ATP6V1C2: variants seen among roughly 807,000 people sequenced by gnomAD.
ATP6V1C2 encodes V-type proton ATPase subunit C 2.
A neutral mutation model predicts 56.8 loss-of-function variants in ATP6V1C2; 45 were observed. The ratio of observed to expected loss-of-function variants is 0.79; its 90% confidence interval spans 0.62 to 1.02. The LOEUF (loss-of-function observed/expected upper bound fraction) is 1.02. Among genes scored for constraint, ATP6V1C2 ranks in the 50% least tolerant of loss-of-function variants. ATP6V1C2 has a pLI of 0.00. For synonymous variants in ATP6V1C2, 220 were observed against 201.3 expected (o/e 1.09, Z -0.79); for missense variants, 463 against 519.7 (o/e 0.89, Z 1.06).
At position 10,774,785 on chromosome 2, in the gene ATP6V1C2, C is replaced by A; in HGVS notation, c.639-3C>A. On this transcript the variant is annotated splice_polypyrimidine_tract_variant and splice_region_variant and intron_variant, in intron 8 of 13. Transcript: ENST00000272238. ...CCAGCCAACAGATGCTTCTCTCCAA[C>A]AGACTCATTACTGAGGACAAGGAAG... is the stretch of plus-strand genomic sequence containing the variant. 1 of 1,613,372 alleles carries A rather than the reference C, an allele frequency of 6.2e-7. No homozygotes were observed. Among genetic ancestry groups the A allele is most frequent in the Non-Finnish European group, 8.5e-7 (1 of 1,179,308 alleles).
intron 2 of ATP6V1C2, among the ~76,000 whole-genome samples, chr2:10,723,837 CAAA>C (rs145669254): frequency 8.1e-6 from 1 of 122,940 alleles, no homozygotes; most frequent in Non-Finnish European, 1.7e-5. Flanking sequence ...GACTCTGTCT[CAAA>C]AAAAAAAAAA....
At position 10,784,724 on chromosome 2, in the gene ATP6V1C2, C is replaced by T. The variant is rs1665622683; in HGVS notation, c.*1461C>T. 2.5e-5 allele frequency: 14 copies of T among 555,582 alleles called. No individual in the cohort carries two copies. In the Admixed American group the frequency reaches 2.8e-4, roughly 11 times the overall value. The allele number at this position is 555,582 out of a possible 1,614,324, so 34.4% of individuals were successfully genotyped here. A position where few individuals can be genotyped will look rare whatever the true frequency, so the allele number is the denominator to read the frequency against. ...AAGCAACCTTACTACTGAAATGTAT[C>T]TTGGCTGTCAAGAGTATCAAATGCC... is the stretch of plus-strand genomic sequence containing the variant. On this transcript the variant is annotated 3_prime_UTR_variant, in exon 14 of 14. Coordinates refer to ENST00000272238, the MANE Select transcript of ATP6V1C2 (RefSeq NM_001039362.2).
chr2:10,734,757 G>A (rs1241066131), intron 3 of ATP6V1C2, among the ~76,000 whole-genome samples: 4 of 152,118 alleles, frequency 2.6e-5, no homozygotes, highest in African/African-American at 4.8e-5. Flanking sequence ...CGGAGTCATC[G>A]GTAGAACTGA....
chr2:10,760,636 A>G (rs1357762748), intron 4 of ATP6V1C2, among the ~76,000 whole-genome samples: 1 of 152,214 alleles, frequency 6.6e-6, no homozygotes, highest in Non-Finnish European at 1.5e-5. Context: ...CATGCTGGAC[A>G]TGCAGAGGTG....
chr2:10,747,423 C>G (rs1662980467), intron 3 of ATP6V1C2, among the ~76,000 whole-genome samples: 2 of 152,128 alleles, frequency 1.3e-5, no homozygotes, highest in South Asian at 4.1e-4. Context: ...CATGATATTC[C>G]TTTACCTCTA....
chr2:10,776,578 C>T (rs563786955), intron 10 of ATP6V1C2, among the ~76,000 whole-genome samples: 28 of 152,236 alleles, frequency 1.8e-4, no homozygotes, highest in African/African-American at 6.0e-4. Flanking sequence ...TACCTGGGCA[C>T]GCCCTGGCTG....
At chr2:10,766,659 C>T (rs958227108) in intron 5 of ATP6V1C2, among the ~76,000 whole-genome samples, 2 of 151,960 alleles carry the variant, frequency 1.3e-5, no homozygotes, top group African/African-American at 4.8e-5. Flanking sequence ...TGTCAGTTTC[C>T]TGGTTATGAT....
chr2:10,723,439 G>T (rs1471134791), intron 2 of ATP6V1C2, among the ~76,000 whole-genome samples: 1 of 152,128 alleles, frequency 6.6e-6, no homozygotes, highest in Non-Finnish European at 1.5e-5. Flanking sequence ...CTTTGGTCCT[G>T]AGGGAGGGGA....
intron 2 of ATP6V1C2, among the ~76,000 whole-genome samples, chr2:10,725,935 C>T (rs1050426508): frequency 3.3e-5 from 5 of 151,750 alleles, no homozygotes; most frequent in Non-Finnish European, 2.9e-5. Flanking sequence ...AAAAATTAGC[C>T]GTGCATGATG....
At chr2:10,721,590 C>A (rs560927786), upstream of ATP6V1C2, 4 of 152,022 alleles carry the variant, frequency 2.6e-5, no homozygotes, top group African/African-American at 9.6e-5. Flanking sequence ...GGGCCGCCTC[C>A]AGAGCCCGGG....
chr2:10,736,976 T>C (rs1270347472), intron 3 of ATP6V1C2, among the ~76,000 whole-genome samples: 1 of 152,076 alleles, frequency 6.6e-6, no homozygotes, highest in Non-Finnish European at 1.5e-5. Flanking sequence ...CTTGAACTAC[T>C]AGGCTCAAGG....
intron 3 of ATP6V1C2, among the ~76,000 whole-genome samples, chr2:10,751,974 A>G (rs1169804403): frequency 6.6e-6 from 1 of 151,964 alleles, no homozygotes; most frequent in Non-Finnish European, 1.5e-5. Context: ...GTGGAGGATC[A>G]CCTGAGTCTG....
At chr2:10,782,536 C>T (rs1665430387) in intron 13 of ATP6V1C2, among the ~76,000 whole-genome samples, 161 bp downstream of exon 13, 1 of 151,444 alleles carries the variant, frequency 6.6e-6, no homozygotes, top group Non-Finnish European at 1.5e-5. Flanking sequence ...CCTGTCTCTA[C>T]TAAAAAAAAA....
rs35166388 is a variant in ATP6V1C2 at position 10,736,801 on chromosome 2, C to CTTTTTTTTTT, written c.197+10242_197+10251dup. Among the ~76,000 whole-genome samples, 2 of 102,654 alleles carry CTTTTTTTTTT rather than the reference C, an allele frequency of 1.9e-5. 1 individual carries two copies. The highest frequency in any genetic ancestry group is 4.2e-5 in the Non-Finnish European group (2 of 47,176). 67.3% of individuals were successfully genotyped at this position (102,654 alleles called of 152,430 possible). A position where few individuals can be genotyped will look rare whatever the true frequency, so the allele number is the denominator to read the frequency against. ...CATTATTTTTTTCCTAGATATTGTG[C>CTTTTTTTTTT]TTTTTTTTTTTTTTTTTTTCTGACA... On this transcript the variant is annotated intron_variant, in intron 3 of 13. Coordinates refer to ENST00000272238, the MANE Select transcript of ATP6V1C2 (RefSeq NM_001039362.2).
intron 3 of ATP6V1C2, among the ~76,000 whole-genome samples, chr2:10,729,633 GA>G (rs1661848081): frequency 6.6e-6 from 1 of 152,146 alleles, no homozygotes; most frequent in South Asian, 2.1e-4. Flanking sequence ...AGGCAGGAGG[GA>G]CAGTTGAGCC....
intron 3 of ATP6V1C2, among the ~76,000 whole-genome samples, chr2:10,739,504 C>T (rs1374659711): frequency 6.6e-6 from 1 of 152,038 alleles, no homozygotes; most frequent in Non-Finnish European, 1.5e-5. Flanking sequence ...TGGCTCCATC[C>T]TGCCTTGGTC....
rs888537167 is a variant in ATP6V1C2 at position 10,780,042 on chromosome 2, G to A, written c.1061+1373G>A. Among the ~76,000 whole-genome samples the A allele has an allele frequency of 2.6e-5, 4 of 151,928 alleles. No individual in the cohort carries two copies. The highest frequency in any genetic ancestry group is 4.8e-5 in the African/African-American group (2 of 41,434). On this transcript the variant is annotated intron_variant, in intron 12 of 13. Transcript: ENST00000272238. This position sits in a 1 kb window ranked among gnomAD's most constrained non-coding sequence, Gnocchi z 4.1. ...GTGTGACCTTCCGGACCCCTTCCCC[G>A]CCTGCACTGAGGAGCTCCTCATCCC...
intron 5 of ATP6V1C2, among the ~76,000 whole-genome samples, chr2:10,767,159 C>CTTTT (rs33943682): frequency 0.014 from 1,521 of 109,290 alleles, 113 homozygotes; most frequent in Middle Eastern, 0.015. Context: ...CATTTTTTAT[C>CTTTT]TTTTTTTTTT....
intron 13 of ATP6V1C2, 21 bp downstream of exon 13, chr2:10,782,396 GTAT>G: frequency 6.2e-7 from 1 of 1,612,410 alleles, no homozygotes; most frequent in Non-Finnish European, 8.5e-7. Context: ...AGAAACAGCA[GTAT>G]TTCTACAGTA....
Sources: gnomAD v4.1 joint callset for allele counts (sites outside exome capture counted in the v4.1 genomes callset) on GRCh38, gnomAD v4.1.1 for gene constraint, Gnocchi (gnomAD v3.1) non-coding constraint, MANE v1.5 for transcripts, NCBI Gene and HGNC (gene_info 2026-07-23, HGNC 2026-07-21) for gene names.